NOX4: variants seen among roughly 807,000 people sequenced by gnomAD.
The protein encoded by NOX4 is kidney oxidase-1.
In NOX4, 69 loss-of-function variants were observed where a neutral mutation model predicts 87.6. That is an observed-to-expected ratio of 0.79 (90% CI 0.65 to 0.96). The LOEUF is 0.96. Among genes scored for constraint, NOX4 ranks in the 40% least tolerant of loss-of-function variants. NOX4 has a pLI of 0.00. For synonymous variants in NOX4, 275 were observed against 238.2 expected, an observed-to-expected ratio of 1.15 and a Z score of -1.42; for missense variants, 680 against 681.5, an observed-to-expected ratio of 1.00 and a Z score of 0.02.
the NOX4 span, among the ~76,000 whole-genome samples, chr11:89,555,016 C>T: frequency 1.2e-3 from 183 of 152,084 alleles, 1 homozygote; most frequent in African/African-American, 4.3e-3. Flanking sequence ...AAAAATTTAT[C>T]TTTTTAAAAA....
intron 2 of NOX4, among the ~76,000 whole-genome samples, chr11:89,471,491 T>C (rs1342697135): frequency 1.3e-5 from 2 of 152,162 alleles, no homozygotes; most frequent in Non-Finnish European, 2.9e-5. Flanking sequence ...GTCTATATAG[T>C]AATCAAAAAG....
intron 17 of NOX4, among the ~76,000 whole-genome samples, chr11:89,331,618 C>T (rs1156637319): frequency 6.6e-6 from 1 of 151,588 alleles, no homozygotes; most frequent in Non-Finnish European, 1.5e-5. Context: ...AATAAGATAC[C>T]ATTATTTTCT....
chr11:89,441,397 T>C (rs1366107799), intron 5 of NOX4, among the ~76,000 whole-genome samples: 1 of 152,234 alleles, frequency 6.6e-6, no homozygotes, highest in Admixed American at 6.6e-5. Context: ...ATTTATTTTT[T>C]ATCCCCGTGG....
chr11:89,433,454 T>C (rs12799415), intron 6 of NOX4, among the ~76,000 whole-genome samples: 19 of 152,184 alleles, frequency 1.2e-4, no homozygotes, highest in South Asian at 6.2e-4. Context: ...TTCAGCACTC[T>C]TTCTGTTTTG....
At chr11:89,338,610 T>C (rs756101861) in intron 15 of NOX4, among the ~76,000 whole-genome samples, 2 of 152,126 alleles carry the variant, frequency 1.3e-5, no homozygotes, top group African/African-American at 2.4e-5. Context: ...ACCTCTCTAA[T>C]TGCCTGTCCT....
the NOX4 span, among the ~76,000 whole-genome samples, chr11:89,587,243 G>T: frequency 6.6e-6 from 1 of 151,876 alleles, no homozygotes; most frequent in Non-Finnish European, 1.5e-5. Flanking sequence ...GAGGATAGAG[G>T]CACCTCGATG....
the NOX4 span, among the ~76,000 whole-genome samples, chr11:89,535,172 T>A: frequency 1.3e-5 from 2 of 152,152 alleles, no homozygotes; most frequent in Non-Finnish European, 2.9e-5. Flanking sequence ...TAAATCTCAG[T>A]CCCCTAAGAT....
At chr11:89,413,369 A>G (rs545558625) in intron 8 of NOX4, among the ~76,000 whole-genome samples, 1 of 152,304 alleles carries the variant, frequency 6.6e-6, no homozygotes, top group Admixed American at 6.5e-5. Flanking sequence ...TTGAAGAGAT[A>G]CCTGCACTTG....
chr11:89,509,294 G>T, the NOX4 span, among the ~76,000 whole-genome samples: 1 of 151,966 alleles, frequency 6.6e-6, no homozygotes, highest in African/African-American at 2.4e-5. Flanking sequence ...ATTGAAAATA[G>T]TCTCAATCTG....
chr11:89,326,496 A>C lies in NOX4; in HGVS notation c.*260T>G. The C allele has an allele frequency of 3.6e-6, 1 of 281,118 alleles. No homozygotes were observed. Among genetic ancestry groups the C allele is most frequent in the Non-Finnish European group, 6.7e-6 (1 of 149,918 alleles). The allele number at this position is 281,118 out of a possible 1,614,324, so 17.4% of individuals were successfully genotyped here. A position where few individuals can be genotyped will look rare whatever the true frequency, so the allele number is the denominator to read the frequency against. ...TCCACCATGAAAATCAACAGTGTGC[A>C]TCTAACAGTTTTCTTTTAATTTGAG... On this transcript the variant is annotated 3_prime_UTR_variant, in exon 18 of 18. Coordinates refer to ENST00000263317, the MANE Select transcript of NOX4 (RefSeq NM_016931.5).
chr11:89,448,969 C>A (rs1264058259), intron 4 of NOX4, among the ~76,000 whole-genome samples: 1 of 152,176 alleles, frequency 6.6e-6, no homozygotes, highest in Non-Finnish European at 1.5e-5. Context: ...TCTGTTTCTT[C>A]CAGTATTTCT....
chr11:89,342,343 G>GC, intron 13 of NOX4, 150 bp from the exon 14 acceptor site: 1 of 599,242 alleles, frequency 1.7e-6, no homozygotes, highest in Non-Finnish European at 2.9e-6. Flanking sequence ...TAGCCTAAAG[G>GC]AGTAGCAAAT....
At chr11:89,555,722 A>C in the NOX4 span, among the ~76,000 whole-genome samples, 1 of 152,292 alleles carries the variant, frequency 6.6e-6, no homozygotes, top group African/African-American at 2.4e-5. Context: ...AAACTCCTAT[A>C]GTAATCTCCA....
chr11:89,381,326 C>A (rs1565217742), intron 11 of NOX4, among the ~76,000 whole-genome samples: 1 of 152,106 alleles, frequency 6.6e-6, no homozygotes. Context: ...GAGCCCAAGC[C>A]TGCACGTATA....
intron 2 of NOX4, among the ~76,000 whole-genome samples, chr11:89,476,036 T>C (rs981914772): frequency 1.3e-5 from 2 of 152,084 alleles, no homozygotes; most frequent in African/African-American, 2.4e-5. Flanking sequence ...AAACAAAACA[T>C]CTCCACTCAT....
intron 6 of NOX4, among the ~76,000 whole-genome samples, chr11:89,435,938 T>C (rs1271635394): frequency 6.6e-6 from 1 of 152,136 alleles, no homozygotes; most frequent in Non-Finnish European, 1.5e-5. Context: ...AATAAAGTAA[T>C]AGATTTCAGA....
At chr11:89,367,720 G>T (rs375923935) in intron 12 of NOX4, among the ~76,000 whole-genome samples, 1 of 151,988 alleles carries the variant, frequency 6.6e-6, no homozygotes, top group Non-Finnish European at 1.5e-5. Context: ...GGGCAAATTT[G>T]ATTTCAGTTC....
intron 11 of NOX4, among the ~76,000 whole-genome samples, chr11:89,383,643 C>T (rs761710882): frequency 3.9e-5 from 6 of 152,116 alleles, no homozygotes; most frequent in South Asian, 2.1e-4. Flanking sequence ...AGCCAGGCTT[C>T]GAAACCTCTT....
chr11:89,500,180 C>A (rs963099070), upstream of NOX4, among the ~76,000 whole-genome samples: 1 of 152,054 alleles, frequency 6.6e-6, no homozygotes. Context: ...GTTCTGCATT[C>A]TTTTCTACTA....
Sources: gnomAD v4.1 joint callset for allele counts (sites outside exome capture counted in the v4.1 genomes callset) on GRCh38, gnomAD v4.1.1 for gene constraint, MANE v1.5 for transcripts, NCBI Gene and HGNC (gene_info 2026-07-23, HGNC 2026-07-21) for gene names.